The following NMBR variants were observed in gnomAD, a reference collection of about 807,000 sequenced individuals.
NMBR encodes neuromedin-B receptor.
In NMBR, 16 loss-of-function variants were observed where a neutral mutation model predicts 20.5. The observed-to-expected ratio is 0.78, with a 90% CI of 0.53 to 1.19. The LOEUF is 1.19. NMBR is among the 50% of genes most tolerant of loss of function. The probability of loss-of-function intolerance (pLI) is 0.00; values close to 1 mark genes in which losing one functional copy is unlikely to be tolerated. For missense variants in NMBR, 582 were observed against 499.1 expected (o/e 1.17, Z -1.58); for synonymous variants, 212 against 196.6 (o/e 1.08, Z -0.65).
In NMBR at chr6:142,089,337, T is replaced by C. The variant is rs905549036; in HGVS notation, c.-663-16A>G. On this transcript the variant is annotated splice_polypyrimidine_tract_variant and intron_variant, in intron 1 of 3. Coordinates refer to ENST00000258042, the MANE Select transcript of NMBR (RefSeq NM_002511.4). ...GTCCCTAATGCTGAAACACAGAATT[T>C]AGGGGAAAAAAATGAGTGCCAAAGA... 3.3e-5 allele frequency: 5 copies of C among 152,124 alleles called. No homozygotes were observed. Among genetic ancestry groups the C allele is most frequent in the Admixed American group, 6.6e-5 (1 of 15,258 alleles). The allele number at this position is 152,124 out of a possible 1,614,324, so 9.4% of individuals were successfully genotyped here.
At chr6:142,139,199 G>A (rs576045542) in intron 1 of NMBR, among the ~76,000 whole-genome samples, 1 of 152,226 alleles carries the variant, frequency 6.6e-6, no homozygotes, top group Non-Finnish European at 1.5e-5. Context: ...CTTCCCCAGG[G>A]AAGATCACTT....
At chr6:142,122,146 C>T (rs957203642) in intron 1 of NMBR, among the ~76,000 whole-genome samples, 6 of 151,898 alleles carry the variant, frequency 4.0e-5, no homozygotes, top group Admixed American at 1.3e-4. Flanking sequence ...TTCCTTTCAC[C>T]GCATTTTGTC....
intron 1 of NMBR, among the ~76,000 whole-genome samples, chr6:142,141,838 A>G (rs1778368032): frequency 1.3e-5 from 2 of 152,340 alleles, no homozygotes; most frequent in South Asian, 4.1e-4. Context: ...TACAAATTAA[A>G]TAGAAGGATG....
At chr6:142,146,292 G>A (rs1350211754) in intron 1 of NMBR, among the ~76,000 whole-genome samples, 1 of 152,160 alleles carries the variant, frequency 6.6e-6, no homozygotes, top group African/African-American at 2.4e-5. Flanking sequence ...GGGAATTTCC[G>A]AGCTGGAGAT....
At chr6:142,100,233 CAT>C (rs1777534638) in intron 1 of NMBR, among the ~76,000 whole-genome samples, 1 of 152,130 alleles carries the variant, frequency 6.6e-6, no homozygotes, top group Non-Finnish European at 1.5e-5. Context: ...TATTTGAAAA[CAT>C]ATGTCCACAC....
chr6:142,096,545 T>C (rs1200225094), intron 1 of NMBR, among the ~76,000 whole-genome samples: 1 of 152,204 alleles, frequency 6.6e-6, no homozygotes, highest in Non-Finnish European at 1.5e-5. Context: ...GACAGTTTGT[T>C]ATAATTTCTG....
At position 142,088,759 on chromosome 6, in the gene NMBR, C is replaced by A. The variant is rs1303644198; in HGVS notation, c.-101G>T. The A allele has an allele frequency of 3.7e-6, 4 of 1,085,924 alleles. No individual in the cohort carries two copies. Among genetic ancestry groups the A allele is most frequent in the Non-Finnish European group, 5.2e-6 (4 of 769,962 alleles). 67.3% of individuals were successfully genotyped at this position (1,085,924 alleles called of 1,614,324 possible). A position where few individuals can be genotyped will look rare whatever the true frequency, so the allele number is the denominator to read the frequency against. On this transcript the variant is annotated 5_prime_UTR_variant, in exon 2 of 4. Transcript: ENST00000258042. The stretch of plus-strand genomic sequence containing the variant: ...GTTTAATCGATGTCCCTCCCTCTCG[C>A]CCCTGCAAGTTTACTGTCCGCGGGG...
intron 1 of NMBR, among the ~76,000 whole-genome samples, chr6:142,143,522 G>A (rs1287225617): frequency 1.3e-5 from 2 of 152,198 alleles, no homozygotes; most frequent in African/African-American, 4.8e-5. Flanking sequence ...GACCTCAGGT[G>A]ATCCACTCTC....
intron 1 of NMBR, among the ~76,000 whole-genome samples, chr6:142,094,780 A>G (rs1460610763): frequency 1.3e-5 from 2 of 152,188 alleles, no homozygotes; most frequent in Non-Finnish European, 2.9e-5. Context: ...CTTCCTACCC[A>G]TGAGCATGGA....
rs35134315 is a variant in NMBR at position 142,075,109 on chromosome 6, TACAC to T, written c.*535_*538del. Among the ~76,000 whole-genome samples the T allele has an allele frequency of 2.0e-5, 3 of 149,880 alleles. No individual in the cohort carries two copies. Among genetic ancestry groups the T allele is most frequent in the African/African-American group, 4.9e-5 (2 of 40,766 alleles). ...ACATATATACATATACATATATATA[TACAC>T]ACACACACACACTCATGCAATAGTT... On this transcript the variant is annotated 3_prime_UTR_variant, in exon 4 of 4. Transcript: ENST00000258042.
intron 1 of NMBR, among the ~76,000 whole-genome samples, chr6:142,142,226 C>T (rs1008735293): frequency 6.6e-6 from 1 of 152,114 alleles, no homozygotes; most frequent in East Asian, 1.9e-4. Context: ...AAATGCCAGG[C>T]CCTGATGAAT....
intron 1 of NMBR, among the ~76,000 whole-genome samples, chr6:142,144,868 A>C (rs1016394150): frequency 7.2e-5 from 11 of 151,972 alleles, no homozygotes; most frequent in Non-Finnish European, 5.9e-5. Context: ...TAGGCAACAA[A>C]ATAATAATAA....
At chr6:142,120,185 C>T (rs1777920645) in intron 1 of NMBR, among the ~76,000 whole-genome samples, 1 of 151,852 alleles carries the variant, frequency 6.6e-6, no homozygotes, top group African/African-American at 2.4e-5. Flanking sequence ...CCCTAAACAA[C>T]TAGATGATTG....
chr6:142,078,232 T>C (rs767721753), intron 3 of NMBR, among the ~76,000 whole-genome samples: 1 of 152,228 alleles, frequency 6.6e-6, no homozygotes, highest in Non-Finnish European at 1.5e-5. Flanking sequence ...TATGCTCATA[T>C]GTGAAATTTT....
At chr6:142,098,305 C>T (rs1238510367) in intron 1 of NMBR, among the ~76,000 whole-genome samples, 1 of 152,044 alleles carries the variant, frequency 6.6e-6, no homozygotes, top group Non-Finnish European at 1.5e-5. Context: ...CATTCCTTTT[C>T]AATTTTGTAC....
intron 1 of NMBR, among the ~76,000 whole-genome samples, chr6:142,141,932 T>G (rs528888283): frequency 6.6e-6 from 1 of 152,182 alleles, no homozygotes; most frequent in Non-Finnish European, 1.5e-5. Flanking sequence ...TCTGGTTCTT[T>G]GAAAAGATTA....
At chr6:142,122,890 C>T (rs1276146076) in intron 1 of NMBR, among the ~76,000 whole-genome samples, 1 of 151,912 alleles carries the variant, frequency 6.6e-6, no homozygotes, top group Non-Finnish European at 1.5e-5. Context: ...AGTCACTCAA[C>T]AGCTCTGGTA....
intron 1 of NMBR, among the ~76,000 whole-genome samples, chr6:142,116,793 C>A (rs913822355): frequency 2.6e-5 from 4 of 151,954 alleles, no homozygotes; most frequent in African/African-American, 7.2e-5. Flanking sequence ...TATAAATCAT[C>A]TTTCAGCTTA....
intron 1 of NMBR, among the ~76,000 whole-genome samples, chr6:142,103,691 G>A (rs1235994517): frequency 6.6e-6 from 1 of 152,032 alleles, no homozygotes; most frequent in East Asian, 1.9e-4. Context: ...ATACTGATGG[G>A]TTATAAGCAA....
Sources: gnomAD v4.1 joint callset for allele counts (sites outside exome capture counted in the v4.1 genomes callset) on GRCh38, gnomAD v4.1.1 for gene constraint, MANE v1.5 for transcripts, NCBI Gene and HGNC (gene_info 2026-07-23, HGNC 2026-07-21) for gene names.